CRPPA: variants seen among roughly 807,000 people sequenced by gnomAD.
The protein encoded by CRPPA is D-ribitol-5-phosphate cytidylyltransferase.
In CRPPA, 43 loss-of-function variants were observed where a neutral mutation model predicts 52.0. The observed-to-expected ratio is 0.83, with a 90% confidence interval of 0.65 to 1.07. The LOEUF (loss-of-function observed/expected upper bound fraction) is 1.07, where lower values mean the gene tolerates loss of function less well. Among genes scored for constraint, CRPPA ranks in the 50% least tolerant of loss-of-function variants. The probability of loss-of-function intolerance (pLI) is 0.00; values close to 1 mark genes in which losing one functional copy is unlikely to be tolerated. For missense variants in CRPPA, 629 were observed against 551.7 expected (o/e 1.14, Z -1.40); for synonymous variants, 250 against 203.5 (o/e 1.23, Z -1.94).
At chr7:16,418,812 A>C (rs539571742) in intron 1 of CRPPA, among the ~76,000 whole-genome samples, 117 of 152,266 alleles carry the variant, frequency 7.7e-4, no homozygotes, top group Middle Eastern at 3.4e-3. Context: ...TTGGGTGGAG[A>C]CACAGCCAAA....
At chr7:16,304,740 C>T (rs1055707644) in intron 4 of CRPPA, among the ~76,000 whole-genome samples, 1 of 152,174 alleles carries the variant, frequency 6.6e-6, no homozygotes, top group African/African-American at 2.4e-5. Flanking sequence ...GTACTACGTG[C>T]AGTCCTCAGA....
chr7:16,264,199 A>G lies in CRPPA; in HGVS notation c.934-5187T>C, dbSNP rs143567284. Among the ~76,000 whole-genome samples the G allele has an allele frequency of 9.8e-5, 15 of 152,338 alleles. No homozygotes were observed. The East Asian group carries it at 1.7e-3, about 18-fold the overall frequency. ...AATAGACAACGCTATTAGGTTGTTT[A>G]TATATAAAAAAAAGTCCTAAGCATC... On this transcript the variant is annotated intron_variant, in intron 6 of 9. Transcript: ENST00000407010.
intron 9 of CRPPA, among the ~76,000 whole-genome samples, chr7:16,151,658 G>A (rs969269419): frequency 3.3e-5 from 5 of 151,582 alleles, no homozygotes; most frequent in South Asian, 2.1e-4. Flanking sequence ...TCTTCCATAC[G>A]CTTTCTATTA....
chr7:16,110,156 G>C (rs1003795851), intron 9 of CRPPA, among the ~76,000 whole-genome samples: 4 of 151,814 alleles, frequency 2.6e-5, no homozygotes. Flanking sequence ...CCTGTGAAAA[G>C]GAAATCAAGA....
intron 9 of CRPPA, among the ~76,000 whole-genome samples, chr7:16,180,034 G>A (rs1203810063): frequency 6.6e-6 from 1 of 152,088 alleles, no homozygotes; most frequent in Non-Finnish European, 1.5e-5. Context: ...TGCTAGGTTT[G>A]TTAGAACTCT....
At chr7:16,355,331 T>C (rs1223879116) in intron 3 of CRPPA, among the ~76,000 whole-genome samples, 1 of 152,188 alleles carries the variant, frequency 6.6e-6, no homozygotes, top group Non-Finnish European at 1.5e-5. Flanking sequence ...AAAGCAACTG[T>C]TTCTTCTCCA....
chr7:16,170,072 A>T (rs1486607520), intron 9 of CRPPA, among the ~76,000 whole-genome samples: 1 of 152,188 alleles, frequency 6.6e-6, no homozygotes, highest in Admixed American at 6.5e-5. Context: ...TTAGGCCCTA[A>T]ATAAAAGACG....
At chr7:16,273,469 G>T (rs982784466) in intron 6 of CRPPA, among the ~76,000 whole-genome samples, 1 of 151,886 alleles carries the variant, frequency 6.6e-6, no homozygotes, top group African/African-American at 2.4e-5. Flanking sequence ...TCAGAAGGAC[G>T]GCTTGACGGT....
At chr7:16,280,911 G>A (rs930133766) in intron 5 of CRPPA, among the ~76,000 whole-genome samples, 8 of 151,916 alleles carry the variant, frequency 5.3e-5, no homozygotes, top group Admixed American at 1.3e-4. Context: ...TCCCAGCTAC[G>A]CAGGAGGCTG....
chr7:16,359,860 G>A (rs1209627598), intron 3 of CRPPA, among the ~76,000 whole-genome samples: 1 of 152,078 alleles, frequency 6.6e-6, no homozygotes, highest in Non-Finnish European at 1.5e-5. Flanking sequence ...GAGATTTCCA[G>A]TAACCTCTCA....
chr7:16,210,976 C>A (rs1782119391), intron 9 of CRPPA, among the ~76,000 whole-genome samples: 1 of 151,976 alleles, frequency 6.6e-6, no homozygotes, highest in Non-Finnish European at 1.5e-5. Flanking sequence ...AAGAGCATAA[C>A]TAAAATGTTC....
chr7:16,393,661 A>G (rs73682105), intron 2 of CRPPA, among the ~76,000 whole-genome samples: 3,332 of 152,242 alleles, frequency 0.022, 112 homozygotes, highest in African/African-American at 0.075. Context: ...CAGTGTAAGA[A>G]AAAAATTTTT....
intron 8 of CRPPA, among the ~76,000 whole-genome samples, chr7:16,232,085 C>T (rs1205939426): frequency 6.6e-6 from 1 of 152,126 alleles, no homozygotes; most frequent in South Asian, 2.1e-4. Context: ...GAATATCTTC[C>T]TCATACAGAC....
intron 8 of CRPPA, among the ~76,000 whole-genome samples, chr7:16,246,923 A>G (rs539564648): frequency 6.6e-6 from 1 of 152,346 alleles, no homozygotes; most frequent in South Asian, 2.1e-4. Flanking sequence ...CACTAGCTGC[A>G]TTAGCTCCTA....
intron 3 of CRPPA, among the ~76,000 whole-genome samples, chr7:16,357,120 C>T (rs982942246): frequency 6.6e-5 from 10 of 152,122 alleles, no homozygotes; most frequent in African/African-American, 2.4e-4. Context: ...GGATATCGCC[C>T]CCTGTGTACA....
intron 9 of CRPPA, among the ~76,000 whole-genome samples, chr7:16,115,944 A>G (rs1782362698): frequency 6.6e-6 from 1 of 152,232 alleles, no homozygotes; most frequent in Non-Finnish European, 1.5e-5. Context: ...GAAAATTCCA[A>G]TTAATACATT....
At chr7:16,383,730 C>T (rs941034103) in intron 2 of CRPPA, among the ~76,000 whole-genome samples, 1 of 152,240 alleles carries the variant, frequency 6.6e-6, no homozygotes, top group Non-Finnish European at 1.5e-5. Flanking sequence ...TCGCTGCCAC[C>T]TTGCAGTTTG....
chr7:16,113,156 A>C (rs1470675165), intron 9 of CRPPA, among the ~76,000 whole-genome samples: 1 of 152,116 alleles, frequency 6.6e-6, no homozygotes, highest in Non-Finnish European at 1.5e-5. Context: ...CAAAAGACAG[A>C]ATTTTTGTAA....
chr7:16,215,976 A>G, intron 9 of CRPPA, 90 bp downstream of exon 9: 1 of 1,021,358 alleles, frequency 9.8e-7, no homozygotes, highest in South Asian at 1.8e-5. Flanking sequence ...TTCACTTATC[A>G]ATAATATCCT....
Sources: allele counts gnomAD v4.1 joint callset (sites outside exome capture counted in the v4.1 genomes callset), GRCh38; gene constraint gnomAD v4.1.1; transcripts MANE v1.5; gene names NCBI Gene and HGNC (gene_info 2026-07-23, HGNC 2026-07-21).